The following RIMBP2 variants were observed in gnomAD, a reference collection of about 807,000 sequenced individuals.
RIMBP2 encodes RIMS binding protein 2, also known as RIMS-binding protein 2.
Under a neutral mutation model 118.6 loss-of-function variants are expected in RIMBP2, and 48 were observed. The ratio of observed to expected loss-of-function variants is 0.40; its 90% CI spans 0.32 to 0.51. The LOEUF is 0.51. Among genes scored for constraint, RIMBP2 ranks in the 20% least tolerant of loss-of-function variants. The probability of loss-of-function intolerance (pLI) is 0.41; values close to 1 mark genes in which losing one functional copy is unlikely to be tolerated. For synonymous variants in RIMBP2, 762 were observed against 742.9 expected, an observed-to-expected ratio of 1.03 and a Z score of -0.42; for missense variants, 1,551 against 1,768.3, an observed-to-expected ratio of 0.88 and a Z score of 2.20.
chr12:130,677,560 A>G (rs2064552444), intron 1 of RIMBP2, among the ~76,000 whole-genome samples: 1 of 152,134 alleles, frequency 6.6e-6, no homozygotes, highest in South Asian at 2.1e-4. Flanking sequence ...CCTGGGAGGC[A>G]GAGGCTGCAG....
At chr12:130,441,819 G>A in intron 11 of RIMBP2, 29 bp downstream of exon 11, 4 of 1,596,834 alleles carry the variant, frequency 2.5e-6, no homozygotes, top group Non-Finnish European at 3.4e-6. Context: ...TCTCTCCCTG[G>A]GGGACCCACG....
At chr12:130,414,056 G>A (rs2075940753) in intron 18 of RIMBP2, 69 bp downstream of exon 18, 3 of 1,509,932 alleles carry the variant, frequency 2.0e-6, no homozygotes, top group Admixed American at 3.4e-5. Flanking sequence ...CCTGTTGCCA[G>A]TCTCTGCCCC....
intron 19 of RIMBP2, among the ~76,000 whole-genome samples, chr12:130,409,638 C>T (rs760691698): frequency 2.0e-5 from 3 of 152,128 alleles, no homozygotes; most frequent in Non-Finnish European, 2.9e-5. Flanking sequence ...CCACTGCGCC[C>T]GGCCCAGAAT....
chr12:130,601,356 A>T (rs867900425), intron 2 of RIMBP2, among the ~76,000 whole-genome samples: 2 of 151,124 alleles, frequency 1.3e-5, no homozygotes, highest in Non-Finnish European at 2.9e-5. Context: ...AAAAAAAAAA[A>T]AAAAGCAAAC....
chr12:130,531,015 G>A (rs79307884), intron 2 of RIMBP2, among the ~76,000 whole-genome samples: 2,075 of 152,274 alleles, frequency 0.014, 39 homozygotes, highest in African/African-American at 0.044. Flanking sequence ...ATTGATGACC[G>A]ATTGAATTTG....
intron 1 of RIMBP2, among the ~76,000 whole-genome samples, chr12:130,632,609 A>G (rs943457207): frequency 2.0e-5 from 3 of 152,138 alleles, no homozygotes; most frequent in African/African-American, 4.8e-5. Flanking sequence ...GGCCTACTCC[A>G]TCGTTAAAGA....
At chr12:130,412,191 A>C (rs796675360) in intron 19 of RIMBP2, among the ~76,000 whole-genome samples, 1 of 152,332 alleles carries the variant, frequency 6.6e-6, no homozygotes, top group African/African-American at 2.4e-5. Flanking sequence ...TAAAGAGAAA[A>C]GAGCTTGTGC....
rs188031054 is a variant in RIMBP2 at position 130,531,857 on chromosome 12, G to A, written c.-216-13940C>T. 8.3e-4 allele frequency among the ~76,000 whole-genome samples: 126 copies of A among 151,050 alleles called. 1 individual carries two copies. The South Asian group carries it at 0.013, about 16-fold the overall frequency. On this transcript the variant is annotated intron_variant, in intron 2 of 22. Coordinates refer to ENST00000690449, the MANE Select transcript of RIMBP2 (RefSeq NM_001393629.1). Reference sequence around the variant, plus strand: ...GAGTTACGTCTAATGAGATGCGTATGTTTAGCCTCTAGGAGTTACGTCTAA... The same window carrying A: ...GAGTTACGTCTAATGAGATGCGTATATTTAGCCTCTAGGAGTTACGTCTAA...
At chr12:130,505,210 C>T (rs549320750) in intron 4 of RIMBP2, among the ~76,000 whole-genome samples, 22 of 152,214 alleles carry the variant, frequency 1.4e-4, no homozygotes, top group African/African-American at 5.3e-4. Context: ...TGCTGAGAAC[C>T]GCAGGACCAG....
chr12:130,613,321 C>A (rs1432876345), intron 2 of RIMBP2, among the ~76,000 whole-genome samples: 1 of 152,198 alleles, frequency 6.6e-6, no homozygotes, highest in African/African-American at 2.4e-5. Flanking sequence ...CCACAGATAC[C>A]CCTGCCGCAA....
At chr12:130,712,489 C>T (rs571901164) in intron 1 of RIMBP2, among the ~76,000 whole-genome samples, 45 of 152,238 alleles carry the variant, frequency 3.0e-4, no homozygotes, top group African/African-American at 8.7e-4. Flanking sequence ...ATCACATCAC[C>T]GCCTTCCACC....
intron 17 of RIMBP2, among the ~76,000 whole-genome samples, chr12:130,415,262 A>C (rs2076031058): frequency 6.6e-6 from 1 of 152,238 alleles, no homozygotes; most frequent in African/African-American, 2.4e-5. Context: ...CAAATCAATA[A>C]ATATGATTCA....
intron 1 of RIMBP2, among the ~76,000 whole-genome samples, chr12:130,682,253 G>A (rs1594197354): frequency 6.6e-6 from 1 of 152,334 alleles, no homozygotes; most frequent in East Asian, 1.9e-4. Context: ...CAGCCAGAGA[G>A]CCTCGTCTGC....
intron 2 of RIMBP2, among the ~76,000 whole-genome samples, chr12:130,600,442 C>T (rs1326307654): frequency 1.3e-5 from 2 of 152,072 alleles, no homozygotes; most frequent in African/African-American, 2.4e-5. Context: ...AGAAGGATGT[C>T]GGCCCCAACA....
At chr12:130,417,275 G>A (rs79088967) in intron 17 of RIMBP2, among the ~76,000 whole-genome samples, 3,014 of 152,262 alleles carry the variant, frequency 0.02, 53 homozygotes, top group Non-Finnish European at 0.03. Context: ...TCACCAAAAA[G>A]ACACAGGCAC....
intron 6 of RIMBP2, among the ~76,000 whole-genome samples, chr12:130,461,646 A>G (rs1261604843): frequency 6.6e-6 from 1 of 152,102 alleles, no homozygotes; most frequent in Non-Finnish European, 1.5e-5. Context: ...TGGATCCCTC[A>G]TGAATAGCTT....
rs2077570411 is a variant in RIMBP2 at position 130,437,007 on chromosome 12, T to C, written c.1941A>G (p.Ala647=). The C allele has an allele frequency of 1.9e-6, 3 of 1,601,490 alleles. No individual in the cohort carries two copies. The East Asian group carries it at 6.7e-5, about 36-fold the overall frequency. Residue 647 remains alanine, a synonymous_variant, in exon 13 of 23, where the codon GCA becomes GCG. Transcript: ENST00000690449. ...RMDEAWEQSR[A]PGPVHGHMLE... is the part of the protein sequence containing the mutation. ...GCATGTGCCCATGCACAGGGCCAGG[T>C]GCACGGCTCTGCTCCCAGGCCTCAT...
intron 14 of RIMBP2, among the ~76,000 whole-genome samples, chr12:130,432,930 C>A (rs11615641): frequency 0.15 from 23,399 of 152,174 alleles, 2,165 homozygotes; most frequent in African/African-American, 0.24. Flanking sequence ...AAAACAGATA[C>A]CTCTTTCTCA....
At position 130,662,284 on chromosome 12, in the gene RIMBP2, C is replaced by T. The variant is rs140591208; in HGVS notation, c.-351-33828G>A. On this transcript the variant is annotated intron_variant, in intron 1 of 22. Coordinates refer to ENST00000690449, the MANE Select transcript of RIMBP2 (RefSeq NM_001393629.1). ...ATGAGGGCTTGCACAGTTCGAGTCT[C>T]GCGTCTCCTCCTTGGCCAGGCTTCC... 2.7e-3 allele frequency among the ~76,000 whole-genome samples: 414 copies of T among 152,244 alleles called. 3 individuals are homozygous for T. The highest frequency in any genetic ancestry group is 8.4e-3 in the African/African-American group (347 of 41,528).
Sources: gnomAD v4.1 joint callset for allele counts (sites outside exome capture counted in the v4.1 genomes callset) on GRCh38, gnomAD v4.1.1 for gene constraint, MANE v1.5 for transcripts, NCBI Gene and HGNC (gene_info 2026-07-23, HGNC 2026-07-21) for gene names.